RAB6B: variants seen among roughly 807,000 people sequenced by gnomAD.
The protein encoded by RAB6B is RAB6B, member RAS oncogene family.
RAB6B carries 7 observed loss-of-function variants against 31.2 expected under a neutral mutation model. That is an observed-to-expected ratio of 0.22 (90% CI 0.13 to 0.42). RAB6B has a LOEUF of 0.42. Ranked by LOEUF, RAB6B falls within the 10% of genes least tolerant of loss-of-function variation. RAB6B has a pLI of 1.00. For missense variants in RAB6B, 149 were observed against 280.6 expected, an observed-to-expected ratio of 0.53 and a Z score of 3.35; for synonymous variants, 105 against 104.9, an observed-to-expected ratio of 1.00 and a Z score of -0.01.
chr3:133,870,324 ATCACCTCCACCTG>A (rs1314131246), intron 1 of RAB6B, among the ~76,000 whole-genome samples: 1 of 152,188 alleles, frequency 6.6e-6, no homozygotes, highest in Non-Finnish European at 1.5e-5. Context: ...CCATGATCCA[ATCACCTCCACCTG>A]GTCCTGTCCT....
At chr3:133,867,921 C>G (rs934451531) in intron 1 of RAB6B, among the ~76,000 whole-genome samples, 2 of 152,184 alleles carry the variant, frequency 1.3e-5, no homozygotes, top group Non-Finnish European at 2.9e-5. Flanking sequence ...TTCTTCCCCA[C>G]CTCAGAGCCC....
At chr3:133,841,166 ACACAT>A (rs1379579333) in intron 4 of RAB6B, 114 bp downstream of exon 4, 159 of 655,020 alleles carry the variant, frequency 2.4e-4, no homozygotes, top group Non-Finnish European at 3.7e-4. Context: ...GCAATCGCAC[ACACAT>A]GCGTGTGCAC....
intron 7 of RAB6B, 71 bp downstream of exon 7, chr3:133,834,504 T>A: frequency 6.6e-7 from 1 of 1,503,866 alleles, no homozygotes; most frequent in Non-Finnish European, 9.3e-7. Flanking sequence ...GTCTGTCCAC[T>A]GCACTAACAT....
chr3:133,880,625 G>C (rs2108012141), intron 1 of RAB6B, among the ~76,000 whole-genome samples: 1 of 152,354 alleles, frequency 6.6e-6, no homozygotes, highest in East Asian at 1.9e-4. Context: ...ATCAACACAG[G>C]AAGCTGTCCC....
At chr3:133,881,039 T>C (rs1334419618) in intron 1 of RAB6B, among the ~76,000 whole-genome samples, 1 of 152,214 alleles carries the variant, frequency 6.6e-6, no homozygotes, top group African/African-American at 2.4e-5. Context: ...CCTTATGGAC[T>C]GAGACTGCTG....
chr3:133,838,850 G>A (rs775337056), intron 5 of RAB6B, among the ~76,000 whole-genome samples: 5 of 152,198 alleles, frequency 3.3e-5, no homozygotes, highest in Non-Finnish European at 2.9e-5. Flanking sequence ...AAGGGACGCT[G>A]CAGGAAGCCC....
chr3:133,876,144 T>C (rs1249521928), intron 1 of RAB6B, among the ~76,000 whole-genome samples: 1 of 152,180 alleles, frequency 6.6e-6, no homozygotes, highest in Non-Finnish European at 1.5e-5. Context: ...AGCTATTTTG[T>C]AGGCAAATAA....
intron 1 of RAB6B, among the ~76,000 whole-genome samples, chr3:133,882,405 G>A (rs367803956): frequency 5.3e-5 from 8 of 152,302 alleles, no homozygotes; most frequent in Middle Eastern, 3.4e-3. Flanking sequence ...GGCTATGCAA[G>A]GGTATGACTC....
intron 2 of RAB6B, among the ~76,000 whole-genome samples, chr3:133,854,842 A>C (rs887100610): frequency 1.3e-5 from 2 of 152,218 alleles, no homozygotes; most frequent in African/African-American, 4.8e-5. Context: ...CACTTGTTGA[A>C]GTCTTCTTTG....
intron 2 of RAB6B, among the ~76,000 whole-genome samples, chr3:133,845,782 A>G (rs901866186): frequency 6.6e-6 from 1 of 152,218 alleles, no homozygotes; most frequent in African/African-American, 2.4e-5. Flanking sequence ...AATTCAAGCC[A>G]TAATCAAGGG....
chr3:133,895,524 G>T lies in RAB6B; in HGVS notation c.-58C>A. On this transcript the variant is annotated 5_prime_UTR_variant, in exon 1 of 8. Coordinates refer to ENST00000285208, the MANE Select transcript of RAB6B (RefSeq NM_016577.4). ...GAGGAAAAAGCGAAGGAGCAGGGAG[G>T]GGAGAGTAGGAGGGCGAGGGGAGGC... 1 of 1,574,976 alleles carries T rather than the reference G, an allele frequency of 6.3e-7. No individual in the cohort carries two copies.
chr3:133,895,404 C>T lies in RAB6B; in HGVS notation c.63G>A (p.Glu21=). The stretch of plus-strand genomic sequence containing the variant: ...ATTAAGCCGGGTACTTACCGCTCTG[C>T]TCCCCCAAGAACACCAACTTGAATT... The part of the protein sequence containing the change: ...LRKFKLVFLG[E]QSVGKTSLIT... Residue 21 remains glutamate (E), a synonymous_variant, in exon 1 of 8, where the codon GAG becomes GAA. Transcript: ENST00000285208. The T allele has an allele frequency of 6.2e-7, 1 of 1,611,796 alleles. No homozygotes were observed. The highest frequency in any genetic ancestry group is 2.2e-5 in the East Asian group (1 of 44,720).
chr3:133,838,421 GTC>G (rs2107989687), intron 5 of RAB6B, among the ~76,000 whole-genome samples, 162 bp from the exon 6 acceptor site: 1 of 152,278 alleles, frequency 6.6e-6, no homozygotes, highest in East Asian at 1.9e-4. Context: ...ACCAACCACA[GTC>G]TCGCTAGCAC....
chr3:133,834,617 G>A lies in RAB6B; in HGVS notation c.520C>T (p.Leu174=). 3 of 1,614,156 alleles carry A rather than the reference G, an allele frequency of 1.9e-6. No homozygotes were observed. Among genetic ancestry groups the A allele is most frequent in the Non-Finnish European group, 2.5e-6 (3 of 1,180,006 alleles). The stretch of plus-strand genomic sequence containing the variant: ...TCCTGGACATTCTCCATTCCGGGTA[G>A]AGCCGACGCCACACGTCGAAAAAGC... The part of the protein sequence containing the change: ...KQLFRRVASA[L]PGMENVQEKS... Residue 174 remains leucine, a synonymous_variant, in exon 7 of 8, where the codon CTA becomes TTA. Coordinates refer to ENST00000285208, the MANE Select transcript of RAB6B (RefSeq NM_016577.4).
intron 2 of RAB6B, among the ~76,000 whole-genome samples, chr3:133,855,054 C>T (rs1399734041): frequency 2.6e-5 from 4 of 152,224 alleles, no homozygotes. Context: ...GGGGAAGCAT[C>T]CATAAGTGGC....
At chr3:133,851,018 G>GAA (rs57648730) in intron 2 of RAB6B, among the ~76,000 whole-genome samples, 1 of 105,648 alleles carries the variant, frequency 9.5e-6, no homozygotes, top group Admixed American at 9.0e-5. Flanking sequence ...AAGTGTTCAA[G>GAA]AAAAAAAAAA....
chr3:133,863,501 A>C (rs924968345), intron 2 of RAB6B, among the ~76,000 whole-genome samples: 13 of 152,200 alleles, frequency 8.5e-5, no homozygotes, highest in Non-Finnish European at 4.4e-5. Flanking sequence ...GTCCTTTGAG[A>C]ACTCGATAAC....
At chr3:133,895,056 T>G (rs956450693) in intron 1 of RAB6B, among the ~76,000 whole-genome samples, 4 of 152,050 alleles carry the variant, frequency 2.6e-5, no homozygotes, top group Non-Finnish European at 4.4e-5. Context: ...GGTGCCGCAG[T>G]GTGAGCTAGC....
chr3:133,877,354 A>G (rs544553124), intron 1 of RAB6B, among the ~76,000 whole-genome samples: 2 of 152,334 alleles, frequency 1.3e-5, no homozygotes, highest in African/African-American at 4.8e-5. Context: ...GCCCAAATGG[A>G]CTAGAGGAAA....
Sources: allele counts gnomAD v4.1 joint callset (sites outside exome capture counted in the v4.1 genomes callset), GRCh38; gene constraint gnomAD v4.1.1; transcripts MANE v1.5; gene names NCBI Gene and HGNC (gene_info 2026-07-23, HGNC 2026-07-21).